NUDCD3: variants seen among roughly 807,000 people sequenced by gnomAD.
The protein encoded by NUDCD3 is nudC domain-containing protein 3.
NUDCD3 carries 13 observed loss-of-function variants against 39.7 expected under a neutral mutation model. That is an observed-to-expected ratio of 0.33 (90% CI 0.21 to 0.52). NUDCD3 has a LOEUF of 0.52. NUDCD3 is among the 20% of genes least tolerant of loss of function. NUDCD3 has a pLI of 0.96. For synonymous variants in NUDCD3, 175 were observed against 172.4 expected (o/e 1.02, Z -0.12); for missense variants, 453 against 458.1 (o/e 0.99, Z 0.10).
chr7:44,418,094 C>A (rs868133867), intron 3 of NUDCD3, among the ~76,000 whole-genome samples: 8 of 152,094 alleles, frequency 5.3e-5, no homozygotes, highest in Admixed American at 1.3e-4. Context: ...TTTCAAGTGG[C>A]CCCTGGAGAA....
intron 2 of NUDCD3, among the ~76,000 whole-genome samples, chr7:44,429,737 G>A (rs1429917999): frequency 1.3e-5 from 2 of 152,114 alleles, no homozygotes. Flanking sequence ...ACACAGGCGG[G>A]CCACTGTGGG....
intron 2 of NUDCD3, among the ~76,000 whole-genome samples, chr7:44,443,350 C>T (rs1442796564): frequency 6.6e-6 from 1 of 152,106 alleles, no homozygotes; most frequent in Non-Finnish European, 1.5e-5. Flanking sequence ...AAACAAGATT[C>T]AAGTAGCCAA....
intron 2 of NUDCD3, among the ~76,000 whole-genome samples, chr7:44,456,036 AAAAAAAAAAAAAAAC>A (rs1799889656): frequency 7.7e-6 from 1 of 130,038 alleles, no homozygotes; most frequent in Non-Finnish European, 1.7e-5. Context: ...AAAAAAAAAA[AAAAAAAAAAAAAAAC>A]AAAAAAACAA....
intron 4 of NUDCD3, among the ~76,000 whole-genome samples, chr7:44,395,258 A>G (rs1291302144): frequency 6.6e-6 from 1 of 152,242 alleles, no homozygotes; most frequent in Non-Finnish European, 1.5e-5. Context: ...CAGCTGCCAC[A>G]TGTGGCTAGC....
At chr7:44,490,221 C>G in intron 1 of NUDCD3, 188 bp downstream of exon 1, 1 of 594,040 alleles carries the variant, frequency 1.7e-6, no homozygotes, top group African/African-American at 2.0e-5. Context: ...ACGTCCGGAG[C>G]GAACACCTCA....
At chr7:44,404,141 C>G (rs1798773788) in intron 4 of NUDCD3, among the ~76,000 whole-genome samples, 1 of 152,218 alleles carries the variant, frequency 6.6e-6, no homozygotes, top group Non-Finnish European at 1.5e-5. Flanking sequence ...TCTGTACCCT[C>G]CAGAGTAGCA....
At chr7:44,406,847 C>T (rs957104599) in intron 3 of NUDCD3, among the ~76,000 whole-genome samples, 2 of 152,116 alleles carry the variant, frequency 1.3e-5, no homozygotes, top group Non-Finnish European at 2.9e-5. Flanking sequence ...AGGAGGGGCA[C>T]AGGAGACAAA....
At chr7:44,446,475 C>A (rs1375965789) in intron 2 of NUDCD3, among the ~76,000 whole-genome samples, 1 of 152,182 alleles carries the variant, frequency 6.6e-6, no homozygotes, top group Non-Finnish European at 1.5e-5. Context: ...AGAAACAGTC[C>A]TACTATTTAT....
intron 2 of NUDCD3, among the ~76,000 whole-genome samples, chr7:44,452,989 A>G (rs545140099): frequency 9.8e-5 from 15 of 152,342 alleles, no homozygotes; most frequent in Admixed American, 7.8e-4. Flanking sequence ...CAAAAACCCA[A>G]TTACTGTTAT....
intron 2 of NUDCD3, among the ~76,000 whole-genome samples, chr7:44,477,131 G>C (rs548050907): frequency 6.6e-6 from 1 of 152,154 alleles, no homozygotes; most frequent in East Asian, 1.9e-4. Flanking sequence ...ATGTTCTAAC[G>C]GGCTTGTCCT....
intron 4 of NUDCD3, among the ~76,000 whole-genome samples, chr7:44,393,169 T>C (rs1323920914): frequency 2.0e-5 from 3 of 151,948 alleles, no homozygotes; most frequent in Non-Finnish European, 4.4e-5. Context: ...AGTTCTCTGA[T>C]GGCTTGGGAA....
At chr7:44,407,566 C>CAA (rs758475229) in intron 3 of NUDCD3, among the ~76,000 whole-genome samples, 550 of 48,312 alleles carry the variant, frequency 0.011, 7 homozygotes, top group African/African-American at 0.035. Context: ...AATTCTGTCT[C>CAA]AAAAAAAAAA....
At chr7:44,468,686 T>C (rs1447218676) in intron 2 of NUDCD3, among the ~76,000 whole-genome samples, 1 of 152,166 alleles carries the variant, frequency 6.6e-6, no homozygotes, top group Non-Finnish European at 1.5e-5. Flanking sequence ...TCTTGGCTTG[T>C]AATCTCAATC....
In NUDCD3 at chr7:44,464,043, G is replaced by A. The variant is rs565709308; in HGVS notation, c.509+20925C>T. Among the ~76,000 whole-genome samples, 8 of 151,784 alleles carry A rather than the reference G, an allele frequency of 5.3e-5. No homozygotes were observed. In the East Asian group the frequency reaches 1.6e-3, roughly 30 times the overall value. On this transcript the variant is annotated intron_variant, in intron 2 of 5. Transcript: ENST00000355451. The stretch of plus-strand genomic sequence containing the variant: ...AGCCTGACCAATATGGTGAAACCCC[G>A]TCTCTACTAAAAATACAAAAATTAG...
At position 44,382,815 on chromosome 7, in the gene NUDCD3, CGCAGTGTTCTGG is replaced by C. The variant is rs1436756826; in HGVS notation, c.*3184_*3195del. ...GTGGGGGTGAGGTCTGTTCCCCAAGCGCAGTGTTCTGGGCAGTGAGTTCTCTGTGCAGCAGCT... is the reference window on the plus strand; with the variant it reads ...GTGGGGGTGAGGTCTGTTCCCCAAGCGCAGTGAGTTCTCTGTGCAGCAGCT... On this transcript the variant is annotated 3_prime_UTR_variant, in exon 6 of 6. Coordinates refer to ENST00000355451, the MANE Select transcript of NUDCD3 (RefSeq NM_015332.4). The C allele has an allele frequency of 6.6e-6, 1 of 152,350 alleles. No homozygotes were observed. The highest frequency in any genetic ancestry group is 1.5e-5 in the Non-Finnish European group (1 of 68,192). The allele number at this position is 152,350 out of a possible 1,614,324, so 9.4% of individuals were successfully genotyped here.
intron 2 of NUDCD3, among the ~76,000 whole-genome samples, chr7:44,429,886 C>T (rs988311027): frequency 2.0e-4 from 30 of 151,990 alleles, no homozygotes; most frequent in African/African-American, 6.8e-4. Context: ...TTAGATGCAA[C>T]CAATAAACAT....
At chr7:44,452,278 A>G (rs754881723) in intron 2 of NUDCD3, among the ~76,000 whole-genome samples, 5 of 152,224 alleles carry the variant, frequency 3.3e-5, no homozygotes, top group Non-Finnish European at 7.4e-5. Context: ...ACCCACCTCT[A>G]CAAAAATATA....
At chr7:44,396,477 T>C (rs1798626529) in intron 4 of NUDCD3, among the ~76,000 whole-genome samples, 1 of 152,240 alleles carries the variant, frequency 6.6e-6, no homozygotes, top group African/African-American at 2.4e-5. Context: ...AAGGGCATTC[T>C]AACATCGTTA....
chr7:44,404,440 C>G lies in NUDCD3; in HGVS notation c.786G>C (p.Leu262Phe). ...CCTACACACAGGTGCCCAAACTTAC[C>G]AAAACGCACTTCCCGGGCTCGAGAC... is the stretch of plus-strand genomic sequence containing the variant. ...LWSLEPGKCV[L>F]VNLSKVGEYW... The change falls in exon 4 of 6, where the codon TTG becomes TTC. Residue 262 changes from leucine to phenylalanine, a missense_variant and splice_region_variant. Transcript: ENST00000355451. 6.2e-7 allele frequency: 1 copy of G among 1,613,204 alleles called. No homozygotes were observed. The highest frequency in any genetic ancestry group is 8.5e-7 in the Non-Finnish European group (1 of 1,179,576).
Sources: gnomAD v4.1 joint callset for allele counts (sites outside exome capture counted in the v4.1 genomes callset) on GRCh38, gnomAD v4.1.1 for gene constraint, MANE v1.5 for transcripts, NCBI Gene and HGNC (gene_info 2026-07-23, HGNC 2026-07-21) for gene names.